Variants in RAB3GAP2 observed in about 807,000 individuals in gnomAD.
The protein encoded by RAB3GAP2 is RAB3 GTPase activating non-catalytic protein subunit 2.
RAB3GAP2 carries 87 observed loss-of-function variants against 185.3 expected under a neutral mutation model. The observed-to-expected ratio is 0.47, with a 90% confidence interval of 0.39 to 0.56. The LOEUF (loss-of-function observed/expected upper bound fraction) is 0.56. Ranked by LOEUF, RAB3GAP2 falls within the 20% of genes least tolerant of loss-of-function variation. The pLI, the probability that RAB3GAP2 is intolerant of heterozygous loss-of-function variation, is 0.00. For missense variants in RAB3GAP2, 1,492 were observed against 1,638.2 expected (o/e 0.91, Z 1.54); for synonymous variants, 554 against 576.1 (o/e 0.96, Z 0.55).
chr1:220,248,658 T>C lies in RAB3GAP2; in HGVS notation c.116-15795A>G, dbSNP rs117521119. On this transcript the variant is annotated intron_variant, in intron 1 of 34. Coordinates refer to ENST00000358951, the MANE Select transcript of RAB3GAP2 (RefSeq NM_012414.4). Reference sequence around the variant, plus strand: ...TTCTAAAGTTCAATGGGAAGAAAAATGTATAAGAATAACCCTAAGACTTTT... The same window carrying C: ...TTCTAAAGTTCAATGGGAAGAAAAACGTATAAGAATAACCCTAAGACTTTT... Among the ~76,000 whole-genome samples the C allele has an allele frequency of 5.1e-3, 763 of 151,064 alleles. 11 individuals carry two copies. The highest frequency in any genetic ancestry group is 0.036 in the East Asian group (182 of 5,116).
chr1:220,271,560 T>C (rs1660333565), intron 1 of RAB3GAP2, among the ~76,000 whole-genome samples: 1 of 152,168 alleles, frequency 6.6e-6, no homozygotes, highest in Non-Finnish European at 1.5e-5. Context: ...TCACTGTAAT[T>C]TTAGTTCCTA....
intron 1 of RAB3GAP2, among the ~76,000 whole-genome samples, chr1:220,246,424 A>G (rs1195415894): frequency 3.5e-5 from 5 of 141,194 alleles, no homozygotes; most frequent in Admixed American, 2.9e-4. Flanking sequence ...TACTGGGTAT[A>G]TACCCAAAGG....
At position 220,148,733 on chromosome 1, in the gene RAB3GAP2, TAA is replaced by T. The variant is rs1657673639; in HGVS notation, c.*2516_*2517del. 1 of 150,980 alleles carries T rather than the reference TAA, an allele frequency of 6.6e-6. No individual in the cohort carries two copies. Among genetic ancestry groups the T allele is most frequent in the Non-Finnish European group, 1.5e-5 (1 of 67,996 alleles). 9.4% of individuals were successfully genotyped at this position (150,980 alleles called of 1,614,324 possible). A position where few individuals can be genotyped will look rare whatever the true frequency, so the allele number is the denominator to read the frequency against. ...CATAGATGAAGTTTTATAATAAAAG[TAA>T]AACTTTTTTTTTCTGTTTGCAAAAG... On this transcript the variant is annotated 3_prime_UTR_variant, in exon 35 of 35. Coordinates refer to ENST00000358951, the MANE Select transcript of RAB3GAP2 (RefSeq NM_012414.4).
chr1:220,267,489 C>T (rs963728331), intron 1 of RAB3GAP2: 7 of 1,405,998 alleles, frequency 5.0e-6, no homozygotes, highest in African/African-American at 1.4e-5. Context: ...CATTACCAAA[C>T]TTTCCTTTAC....
At chr1:220,190,952 A>G in intron 14 of RAB3GAP2, 116 bp downstream of exon 14, 2 of 1,006,254 alleles carry the variant, frequency 2.0e-6, no homozygotes, top group Non-Finnish European at 3.1e-6. Flanking sequence ...ACAATAAAGA[A>G]TATTGTAATT....
rs757873678 is a variant in RAB3GAP2 at position 220,157,317 on chromosome 1, T to A, written c.3508A>T (p.Arg1170Trp). ...GGCTTCACGGTCTTCAGAGAAAACC[T>A]CATGACTGCATACAAGATGGAGCAC... ...ILCSILYAVM[R>W]FSLKTVKPLS... Residue 1170 changes from arginine (R) to tryptophan (W), a missense_variant, in exon 31 of 35, where the codon AGG (arginine) becomes TGG (tryptophan). Physicochemically the swap from Arg to Trp is moderately radical, Grantham distance 101. Transcript: ENST00000358951. The A allele has an allele frequency of 5.6e-6, 9 of 1,613,724 alleles. No individual in the cohort carries two copies. Among genetic ancestry groups the A allele is most frequent in the Non-Finnish European group, 7.6e-6 (9 of 1,179,982 alleles).
At chr1:220,256,170 A>G (rs543593923) in intron 1 of RAB3GAP2, among the ~76,000 whole-genome samples, 2 of 152,334 alleles carry the variant, frequency 1.3e-5, no homozygotes, top group South Asian at 4.1e-4. Flanking sequence ...TTCATAGATG[A>G]AGGAGAAATA....
Position 220,184,171 on chromosome 1 carries a change from G to T in RAB3GAP2, c.1871-8C>A. ...CATCAACAGACTCAAGTTCTAAAAG[G>T]CAGAAGGAAAAGTATATATAAGAGA... On this transcript the variant is annotated splice_polypyrimidine_tract_variant and splice_region_variant and intron_variant, in intron 18 of 34. Transcript: ENST00000358951. 2 of 1,606,990 alleles carry T rather than the reference G, an allele frequency of 1.2e-6. No individual in the cohort carries two copies. The highest frequency in any genetic ancestry group is 1.7e-6 in the Non-Finnish European group (2 of 1,174,288).
At chr1:220,165,201 T>G (rs937953700) in intron 26 of RAB3GAP2, among the ~76,000 whole-genome samples, 2 of 148,288 alleles carry the variant, frequency 1.3e-5, no homozygotes, top group African/African-American at 5.0e-5. Context: ...AAGCCCTATT[T>G]GAAGCACGAT....
At chr1:220,191,665 A>C (rs1404592929) in intron 13 of RAB3GAP2, among the ~76,000 whole-genome samples, 1 of 152,104 alleles carries the variant, frequency 6.6e-6, no homozygotes, top group African/African-American at 2.4e-5. Flanking sequence ...CTAAATACAA[A>C]AAATTAGCTA....
chr1:220,248,614 GT>G (rs201607286), intron 1 of RAB3GAP2, among the ~76,000 whole-genome samples: 118 of 144,390 alleles, frequency 8.2e-4, no homozygotes, highest in Middle Eastern at 3.6e-3. Context: ...ATTTGGTTTG[GT>G]TTTTTTTTTT....
chr1:220,245,028 CAGAAAACCCACAGAGTGGG>C (rs1659773937), intron 1 of RAB3GAP2, among the ~76,000 whole-genome samples: 1 of 151,836 alleles, frequency 6.6e-6, no homozygotes, highest in South Asian at 2.1e-4. Context: ...TCAGAGTAAA[CAGAAAACCCACAGAGTGGG>C]AGAAAATATT....
rs762753369 is a variant in RAB3GAP2 at position 220,220,227 on chromosome 1, G to A, written c.181-6248C>T. The A allele has an allele frequency of 3.9e-5, 6 of 152,168 alleles. No individual in the cohort carries two copies. The East Asian group carries it at 9.6e-4, about 24-fold the overall frequency. 9.4% of individuals were successfully genotyped at this position (152,168 alleles called of 1,614,324 possible). The stretch of plus-strand genomic sequence containing the variant: ...GCCTGCAGTCTCCCCCATCATCGTC[G>A]TTGTGGTGGCTGCGCTAAGCTCCAT... On this transcript the variant is annotated intron_variant, in intron 2 of 34. Coordinates refer to ENST00000358951, the MANE Select transcript of RAB3GAP2 (RefSeq NM_012414.4).
intron 1 of RAB3GAP2, among the ~76,000 whole-genome samples, chr1:220,256,185 C>G (rs1660029075): frequency 6.6e-6 from 1 of 152,146 alleles, no homozygotes; most frequent in South Asian, 2.1e-4. Context: ...GAAATAAGAT[C>G]CTTTTCCGAT....
At chr1:220,256,852 T>C (rs2102528280) in intron 1 of RAB3GAP2, among the ~76,000 whole-genome samples, 1 of 152,150 alleles carries the variant, frequency 6.6e-6, no homozygotes, top group African/African-American at 2.4e-5. Context: ...GACAGAAAAT[T>C]AACAAAGATA....
chr1:220,171,624 C>G (rs749689979), intron 23 of RAB3GAP2, among the ~76,000 whole-genome samples: 5 of 151,960 alleles, frequency 3.3e-5, no homozygotes, highest in Non-Finnish European at 7.4e-5. Flanking sequence ...CGTTAACACC[C>G]CCTGGAAAAA....
chr1:220,154,553 T>C (rs1657821721), intron 31 of RAB3GAP2: 1 of 157,346 alleles, frequency 6.4e-6, no homozygotes, highest in Non-Finnish European at 1.4e-5. Context: ...ATGCAGCACC[T>C]TAACTACAGC....
chr1:220,152,242 A>AT (rs1173413591), intron 33 of RAB3GAP2, among the ~76,000 whole-genome samples: 1 of 151,552 alleles, frequency 6.6e-6, no homozygotes, highest in Non-Finnish European at 1.5e-5. Context: ...CGCCCAGCTA[A>AT]TTTTTTGTAT....
Position 220,213,909 on chromosome 1 carries a change from G to C in RAB3GAP2, c.251C>G (p.Pro84Arg). The change falls in exon 3 of 35, where the codon CCA (proline) becomes CGA (arginine). Residue 84 changes from proline (P) to arginine (R), a missense_variant. Physicochemically the swap from Pro to Arg is moderately radical, Grantham distance 103. Coordinates refer to ENST00000358951, the MANE Select transcript of RAB3GAP2 (RefSeq NM_012414.4). ...WLQDCVLSLS[P>R]TNDLMVIARE... The stretch of plus-strand genomic sequence containing the variant: ...AGCTATCACCATAAGATCATTGGTT[G>C]GAGATAAGGATAAAACACAATCTTG... The C allele has an allele frequency of 6.2e-7, 1 of 1,612,994 alleles. No individual in the cohort carries two copies. The highest frequency in any genetic ancestry group is 8.5e-7 in the Non-Finnish European group (1 of 1,179,112).
Sources: gnomAD v4.1 joint callset for allele counts (sites outside exome capture counted in the v4.1 genomes callset) on GRCh38, gnomAD v4.1.1 for gene constraint, MANE v1.5 for transcripts, NCBI Gene and HGNC (gene_info 2026-07-23, HGNC 2026-07-21) for gene names.